PTPRK: variants seen among roughly 807,000 people sequenced by gnomAD.
The protein encoded by PTPRK is receptor-type tyrosine-protein phosphatase kappa.
PTPRK carries 75 observed loss-of-function variants against 178.0 expected under a neutral mutation model. The ratio of observed to expected loss-of-function variants is 0.42; its 90% confidence interval spans 0.35 to 0.51. The LOEUF is 0.51. PTPRK is among the 20% of genes least tolerant of loss of function. The pLI is 0.02. For missense variants in PTPRK, 1,441 were observed against 1,797.8 expected, an observed-to-expected ratio of 0.80 and a Z score of 3.59; for synonymous variants, 637 against 620.6, an observed-to-expected ratio of 1.03 and a Z score of -0.39.
intron 3 of PTPRK, 173 bp downstream of exon 3, chr6:128,321,866 T>C (rs1828839168): frequency 2.4e-6 from 2 of 845,358 alleles, no homozygotes; most frequent in African/African-American, 1.7e-5. Flanking sequence ...CAATCTCTCA[T>C]TACCATGGGA....
chr6:128,131,992 A>C (rs1378834666), intron 7 of PTPRK, among the ~76,000 whole-genome samples: 1 of 152,176 alleles, frequency 6.6e-6, no homozygotes, highest in African/African-American at 2.4e-5. Context: ...TATGTCTTTA[A>C]AGGTCAAATC....
chr6:128,495,355 T>C (rs528287472), intron 1 of PTPRK, among the ~76,000 whole-genome samples: 3 of 152,040 alleles, frequency 2.0e-5, no homozygotes, highest in Non-Finnish European at 4.4e-5. Flanking sequence ...AGGGAAAAGA[T>C]AAAAGAATAT....
chr6:128,403,578 GT>G (rs149729003), intron 1 of PTPRK, among the ~76,000 whole-genome samples: 4 of 147,998 alleles, frequency 2.7e-5, no homozygotes, highest in Admixed American at 6.8e-5. Context: ...ACCCAACACA[GT>G]TTTTTTTTTG....
intron 7 of PTPRK, among the ~76,000 whole-genome samples, chr6:128,168,529 C>T (rs374647620): frequency 2.6e-5 from 4 of 151,944 alleles, no homozygotes; most frequent in African/African-American, 9.7e-5. Flanking sequence ...AGGAGGTGAG[C>T]GGAAGGCAAG....
At chr6:128,432,514 C>T (rs1444672232) in intron 1 of PTPRK, among the ~76,000 whole-genome samples, 2 of 152,146 alleles carry the variant, frequency 1.3e-5, no homozygotes, top group Admixed American at 6.5e-5. Context: ...ATCATTTAGG[C>T]CCTTTACAAA....
At chr6:128,315,325 T>C (rs1458548593) in intron 3 of PTPRK, among the ~76,000 whole-genome samples, 3 of 152,160 alleles carry the variant, frequency 2.0e-5, no homozygotes, top group Non-Finnish European at 4.4e-5. Flanking sequence ...AATTTGACTA[T>C]AGACCTTATT....
intron 1 of PTPRK, among the ~76,000 whole-genome samples, chr6:128,473,165 T>C (rs768207058): frequency 6.6e-6 from 1 of 152,090 alleles, no homozygotes; most frequent in African/African-American, 2.4e-5. Flanking sequence ...TTCAGCCTTT[T>C]TTCTCTTTCA....
chr6:128,217,820 T>C (rs1266163635), intron 6 of PTPRK, among the ~76,000 whole-genome samples: 1 of 152,160 alleles, frequency 6.6e-6, no homozygotes, highest in Non-Finnish European at 1.5e-5. Flanking sequence ...CACTTGCAAA[T>C]GCCTTCCATG....
intron 13 of PTPRK, among the ~76,000 whole-genome samples, chr6:128,017,765 T>TATAA (rs377678975): frequency 0.93 from 121,544 of 130,532 alleles, 56,699 homozygotes; most frequent in East Asian, 1. Flanking sequence ...TATATACATA[T>TATAA]ATAAATATTT....
In PTPRK at chr6:128,399,882, A is replaced by T. The variant is rs183054636; in HGVS notation, c.101-2194T>A. Reference sequence around the variant, plus strand: ...ATCCCTTCCCTATCTGAAATTTGTCAAAGGAGTCTTGAAAATCATTACTGG... The same window carrying T: ...ATCCCTTCCCTATCTGAAATTTGTCTAAGGAGTCTTGAAAATCATTACTGG... On this transcript the variant is annotated intron_variant, in intron 1 of 29. Transcript: ENST00000368226. Among the ~76,000 whole-genome samples the T allele has an allele frequency of 2.0e-3, 302 of 152,336 alleles. 1 individual carries two copies. Among genetic ancestry groups the T allele is most frequent in the African/African-American group, 7.1e-3 (294 of 41,564 alleles).
intron 7 of PTPRK, among the ~76,000 whole-genome samples, chr6:128,170,456 G>T (rs138294976): frequency 1.3e-5 from 2 of 151,856 alleles, no homozygotes; most frequent in African/African-American, 2.4e-5. Flanking sequence ...TTATTTGGGG[G>T]GTTAAAGAAA....
chr6:128,157,589 C>T (rs924427916), intron 7 of PTPRK, among the ~76,000 whole-genome samples: 6 of 151,838 alleles, frequency 4.0e-5, no homozygotes, highest in African/African-American at 1.5e-4. Flanking sequence ...AATATAAATA[C>T]TCAAGAAAAA....
At chr6:128,444,255 G>C (rs12332836) in intron 1 of PTPRK, among the ~76,000 whole-genome samples, 7,297 of 152,206 alleles carry the variant, frequency 0.048, 273 homozygotes, top group African/African-American at 0.11. Flanking sequence ...CTGCTTATCA[G>C]TTTAGTGAGA....
At chr6:128,091,957 A>G (rs995576739) in intron 7 of PTPRK, among the ~76,000 whole-genome samples, 1 of 152,308 alleles carries the variant, frequency 6.6e-6, no homozygotes. Flanking sequence ...GAGTGGGCAA[A>G]TGATTTATTT....
chr6:128,402,215 C>T (rs941006741), intron 1 of PTPRK, among the ~76,000 whole-genome samples: 4 of 150,598 alleles, frequency 2.7e-5, no homozygotes, highest in Admixed American at 1.3e-4. Context: ...CAGAAAAACA[C>T]CTTACAGAAG....
At chr6:128,402,887 T>C (rs984408365) in intron 1 of PTPRK, among the ~76,000 whole-genome samples, 2 of 152,242 alleles carry the variant, frequency 1.3e-5, no homozygotes, top group Non-Finnish European at 2.9e-5. Flanking sequence ...AGAAAATTTA[T>C]GAATAGGAGT....
intron 13 of PTPRK, among the ~76,000 whole-genome samples, chr6:128,032,159 C>T (rs1775452485): frequency 6.6e-6 from 1 of 152,206 alleles, no homozygotes; most frequent in African/African-American, 2.4e-5. Flanking sequence ...ACGCAGACTC[C>T]TGAGGCATCC....
At chr6:128,277,701 C>T (rs1426657265) in intron 3 of PTPRK, among the ~76,000 whole-genome samples, 1 of 152,160 alleles carries the variant, frequency 6.6e-6, no homozygotes, top group Non-Finnish European at 1.5e-5. Flanking sequence ...AACATTTTAA[C>T]ATGATTTATG....
At chr6:128,134,141 T>A (rs554517354) in intron 7 of PTPRK, among the ~76,000 whole-genome samples, 1 of 152,310 alleles carries the variant, frequency 6.6e-6, no homozygotes, top group South Asian at 2.1e-4. Flanking sequence ...TATATTTCCA[T>A]TTCCATAGTC....
Sources: allele counts gnomAD v4.1 joint callset (sites outside exome capture counted in the v4.1 genomes callset), GRCh38; gene constraint gnomAD v4.1.1; transcripts MANE v1.5; gene names NCBI Gene and HGNC (gene_info 2026-07-23, HGNC 2026-07-21).